CRB2: variants seen among roughly 807,000 people sequenced by gnomAD.
The protein encoded by CRB2 is protein crumbs homolog 2.
A neutral mutation model predicts 110.9 loss-of-function variants in CRB2; 85 were observed. That is an observed-to-expected ratio of 0.77 (90% CI 0.64 to 0.92). The LOEUF (loss-of-function observed/expected upper bound fraction) is 0.92. CRB2 is among the 40% of genes least tolerant of loss of function. CRB2 has a pLI of 0.00. For missense variants in CRB2, 1,843 were observed against 1,851.3 expected, an observed-to-expected ratio of 1.00 and a Z score of 0.08; for synonymous variants, 907 against 831.0, an observed-to-expected ratio of 1.09 and a Z score of -1.57.
chr9:123,368,531 A>G (rs2041968362), intron 6 of CRB2, among the ~76,000 whole-genome samples: 1 of 152,238 alleles, frequency 6.6e-6, no homozygotes, highest in Non-Finnish European at 1.5e-5. Context: ...TCCTTGCCAC[A>G]GCCCCATGAG....
At chr9:123,367,421 A>ACCCCCCCCC (rs1554782974) in intron 5 of CRB2, 64 bp downstream of exon 5, 335 of 607,592 alleles carry the variant, frequency 5.5e-4, no homozygotes, top group South Asian at 4.2e-3. Flanking sequence ...TCTTGTGCCC[A>ACCCCCCCCC]CCCCCCCACC....
chr9:123,370,088 T>C lies in CRB2; in HGVS notation c.1055-20T>C, dbSNP rs2132771344. On this transcript the variant is annotated intron_variant, in intron 6 of 12. Coordinates refer to ENST00000373631, the MANE Select transcript of CRB2 (RefSeq NM_173689.7). ...TCTGGCCCCAGACATTACTGAACCTTGGCTTTGTCTCTCCCAAAGGGCCGA... is the reference window on the plus strand; with the variant it reads ...TCTGGCCCCAGACATTACTGAACCTCGGCTTTGTCTCTCCCAAAGGGCCGA... 1 of 1,563,362 alleles carries C rather than the reference T, an allele frequency of 6.4e-7. No homozygotes were observed. Among genetic ancestry groups the C allele is most frequent in the East Asian group, 2.2e-5 (1 of 44,452 alleles).
At chr9:123,369,215 G>A (rs1048849979) in intron 6 of CRB2, among the ~76,000 whole-genome samples, 3 of 152,218 alleles carry the variant, frequency 2.0e-5, no homozygotes, top group African/African-American at 4.8e-5. Context: ...CTGGGGCAGA[G>A]GGACTGAGGG....
chr9:123,356,130 G>A (rs1372988919), upstream of CRB2: 17 of 536,512 alleles, frequency 3.2e-5, no homozygotes, highest in East Asian at 1.0e-4. Flanking sequence ...AGGCGGTGGC[G>A]GGGAGGGGAG....
intron 4 of CRB2, among the ~76,000 whole-genome samples, chr9:123,366,904 C>T (rs1389928942): frequency 2.7e-5 from 4 of 149,840 alleles, no homozygotes; most frequent in Non-Finnish European, 5.9e-5. Context: ...GAGATCATGC[C>T]GCTGCACTCC....
chr9:123,374,745 G>GTGGAGGA, intron 11 of CRB2, 50 bp downstream of exon 11: 1 of 1,351,046 alleles, frequency 7.4e-7, no homozygotes, highest in South Asian at 1.2e-5. Context: ...AATGTGGAGG[G>GTGGAGGA]CTGTTCCTCC....
At chr9:123,379,101 G>A (rs961067425), downstream of CRB2, among the ~76,000 whole-genome samples, 9 of 124,834 alleles carry the variant, frequency 7.2e-5, no homozygotes, top group Non-Finnish European at 1.5e-4. Flanking sequence ...CACCGCGCCC[G>A]GCCCGCGTGC....
chr9:123,364,839 A>T (rs1440399538), intron 2 of CRB2, among the ~76,000 whole-genome samples: 1 of 152,136 alleles, frequency 6.6e-6, no homozygotes. Flanking sequence ...CAGGACTGCG[A>T]GGGTTCTGGG....
chr9:123,370,327 A>G lies in CRB2; in HGVS notation c.1274A>G (p.His425Arg), dbSNP rs1342501737. The G allele has an allele frequency of 1.9e-6, 3 of 1,613,720 alleles. No individual in the cohort carries two copies. Among genetic ancestry groups the G allele is most frequent in the Non-Finnish European group, 1.7e-6 (2 of 1,180,014 alleles). The change falls in exon 7 of 13, where the codon CAC (histidine) becomes CGC (arginine). Residue 425 changes from histidine to arginine, a missense_variant. Transcript: ENST00000373631. ...FESGVHSYVC[H>R]CPPGTHGPFC... ...TCTGGGGTCCACAGTTACGTCTGCC[A>G]CTGCCCACCTGGTACCCATGGACCG... is the stretch of plus-strand genomic sequence containing the variant.
chr9:123,370,160 C>T lies in CRB2; in HGVS notation c.1107C>T (p.His369=), dbSNP rs374319931. ...VDECLSDPCL[H]GGTCSDTVAG... is the part of the protein sequence containing the mutation. ...AATGCCTGTCGGATCCCTGCCTGCA[C>T]GGCGGAACCTGCAGTGACACTGTGG... Residue 369 remains histidine (H), a synonymous_variant, in exon 7 of 13, where the codon CAC becomes CAT. Coordinates refer to ENST00000373631, the MANE Select transcript of CRB2 (RefSeq NM_173689.7). The T allele has an allele frequency of 1.7e-4, 276 of 1,608,308 alleles. No homozygotes were observed. The highest frequency in any genetic ancestry group is 2.2e-4 in the Non-Finnish European group (253 of 1,176,650).
rs1200977072 is a variant in CRB2 at position 123,371,547 on chromosome 9, C to T, written c.2405C>T (p.Thr802Ile). The T allele has an allele frequency of 6.2e-7, 1 of 1,613,110 alleles. No individual in the cohort carries two copies. Among genetic ancestry groups the T allele is most frequent in the East Asian group, 2.2e-5 (1 of 44,884 alleles). ...ELGGRQSWNL[T>I]AGCVSEDMCS... ...GGCGGCAGGCAGTCCTGGAACCTCA[C>T]TGCGGGCTGCGTCTCCGAGGACATG... is the stretch of plus-strand genomic sequence containing the variant. The change falls in exon 8 of 13, where the codon ACT (threonine) becomes ATT (isoleucine). Residue 802 changes from threonine (T) to isoleucine (I), a missense_variant. Coordinates refer to ENST00000373631, the MANE Select transcript of CRB2 (RefSeq NM_173689.7).
Position 123,359,436 on chromosome 9 carries a change from G to GTTTT in CRB2, c.94+3083_94+3086dup, listed in dbSNP as rs1319039345. Among the ~76,000 whole-genome samples, 38 of 62,416 alleles carry GTTTT rather than the reference G, an allele frequency of 6.1e-4. 1 individual carries two copies. Among genetic ancestry groups the GTTTT allele is most frequent in the African/African-American group, 1.5e-3 (23 of 15,380 alleles). 40.9% of individuals were successfully genotyped at this position (62,416 alleles called of 152,430 possible). A position where few individuals can be genotyped will look rare whatever the true frequency, so the allele number is the denominator to read the frequency against. ...TTTTTGTTTGTGGTTTTTCGTTTTT[G>GTTTT]TTTTGTTTTTTTTTTTTTTTTTTTT... On this transcript the variant is annotated intron_variant, in intron 1 of 12. Transcript: ENST00000373631.
intron 2 of CRB2, among the ~76,000 whole-genome samples, chr9:123,364,726 G>A (rs2041910225): frequency 6.6e-6 from 1 of 152,214 alleles, no homozygotes; most frequent in Non-Finnish European, 1.5e-5. Context: ...TGACACGTGA[G>A]TCCAGGATGA....
At chr9:123,374,056 A>C in intron 10 of CRB2, 136 bp downstream of exon 10, 1 of 1,125,384 alleles carries the variant, frequency 8.9e-7, no homozygotes, top group Non-Finnish European at 1.3e-6. Context: ...TGAGGAGGAC[A>C]GTTTAATTTG....
rs745803632 is a variant in CRB2, at chr9:123,371,271, C to G, written c.2129C>G (p.Pro710Arg). The G allele has an allele frequency of 6.2e-7, 1 of 1,613,900 alleles. No individual in the cohort carries two copies. ...LSEGRIRAEV[P>R]GSPAVVLPGR... Reference sequence around the variant, plus strand: ...GAGGGTCGGATCCGGGCTGAGGTGCCGGGCAGTCCTGCTGTAGTGCTCCCT... The same window carrying G: ...GAGGGTCGGATCCGGGCTGAGGTGCGGGGCAGTCCTGCTGTAGTGCTCCCT... Residue 710 changes from proline (P) to arginine (R), a missense_variant, in exon 8 of 13, where the codon CCG becomes CGG. Physicochemically the swap from Pro to Arg is moderately radical, Grantham distance 103. Coordinates refer to ENST00000373631, the MANE Select transcript of CRB2 (RefSeq NM_173689.7).
intron 9 of CRB2, 24 bp from the exon 10 acceptor site, chr9:123,373,110 C>T (rs758010317): frequency 2.2e-5 from 33 of 1,467,382 alleles, no homozygotes; most frequent in Non-Finnish European, 3.0e-5. Flanking sequence ...GTGGGCTATT[C>T]CCTGAGGCTC....
intron 4 of CRB2, among the ~76,000 whole-genome samples, chr9:123,366,592 G>T (rs780097781): frequency 5.3e-5 from 8 of 152,216 alleles, no homozygotes; most frequent in Non-Finnish European, 1.2e-4. Flanking sequence ...TCGAAGGTGC[G>T]ACGCCTGGGA....
chr9:123,355,336 T>C (rs766761800), upstream of CRB2, among the ~76,000 whole-genome samples: 3 of 151,988 alleles, frequency 2.0e-5, no homozygotes, highest in Non-Finnish European at 4.4e-5. Flanking sequence ...CAATGCTTGC[T>C]TGGTTAGAGC....
intron 2 of CRB2, among the ~76,000 whole-genome samples, chr9:123,364,005 C>G (rs910441928): frequency 1.3e-5 from 2 of 152,164 alleles, no homozygotes; most frequent in African/African-American, 4.8e-5. Context: ...TGAATTCAGA[C>G]AACTGTACTC....
Sources: gnomAD v4.1 joint callset for allele counts (sites outside exome capture counted in the v4.1 genomes callset) on GRCh38, gnomAD v4.1.1 for gene constraint, MANE v1.5 for transcripts, NCBI Gene and HGNC (gene_info 2026-07-23, HGNC 2026-07-21) for gene names.